The following PATJ variants were observed in gnomAD, a reference collection of about 807,000 sequenced individuals.
PATJ encodes inaD-like protein.
In PATJ, 190 loss-of-function variants were observed where a neutral mutation model predicts 224.9. The ratio of observed to expected loss-of-function variants is 0.84; its 90% confidence interval spans 0.75 to 0.95. The LOEUF is 0.95. Among genes scored for constraint, PATJ ranks in the 40% least tolerant of loss-of-function variants. The pLI, the probability that PATJ is intolerant of heterozygous loss-of-function variation, is 0.00. For missense variants in PATJ, 2,121 were observed against 2,270.3 expected, an observed-to-expected ratio of 0.93 and a Z score of 1.34; for synonymous variants, 769 against 820.3, an observed-to-expected ratio of 0.94 and a Z score of 1.07.
intron 27 of PATJ, among the ~76,000 whole-genome samples, chr1:61,936,112 C>A (rs185526684): frequency 6.6e-6 from 1 of 152,060 alleles, no homozygotes. Flanking sequence ...GTTCAACTGT[C>A]ACCACTATTA....
At chr1:61,901,908 G>A (rs980935149) in intron 24 of PATJ, among the ~76,000 whole-genome samples, 2 of 152,090 alleles carry the variant, frequency 1.3e-5, no homozygotes, top group African/African-American at 4.8e-5. Context: ...CACCGGATAC[G>A]CTCTGTGGGC....
rs1377888575 is a variant in PATJ, at chr1:61,908,452, C to G, written c.3462C>G (p.Phe1154Leu). Residue 1154 changes from phenylalanine to leucine, a missense_variant, in exon 25 of 44, where the codon TTC becomes TTG. Phe to Leu is a conservative substitution (Grantham distance 22, BLOSUM62 0). Transcript: ENST00000642238. ...AIKNAGNPVV[F>L]IVQSLSSTPR... ...AGAATGCAGGAAACCCTGTGGTGTT[C>G]ATTGTTCAGAGTTTGTCATCCACTC... 6.2e-7 allele frequency: 1 copy of G among 1,613,632 alleles called. No individual in the cohort carries two copies. Among genetic ancestry groups the G allele is most frequent in the Admixed American group, 1.7e-5 (1 of 59,986 alleles).
At chr1:61,968,318 C>T (rs2149452290) in intron 27 of PATJ, among the ~76,000 whole-genome samples, 1 of 152,276 alleles carries the variant, frequency 6.6e-6, no homozygotes, top group Middle Eastern at 3.4e-3. Context: ...CCTTCACTCT[C>T]AGTTGTTTCG....
intron 42 of PATJ, 41 bp downstream of exon 42, chr1:62,148,431 C>A: frequency 7.0e-7 from 1 of 1,432,586 alleles, no homozygotes; most frequent in Non-Finnish European, 9.9e-7. Context: ...TGCATGTGGG[C>A]AAAGCTCGGA....
At position 62,114,157 on chromosome 1, in the gene PATJ, C is replaced by T; in HGVS notation, c.4566C>T (p.His1522=). ...TGGTGGTGTATAGAGATGAGGCACA[C>T]TACCGGGATGAGGAGAACTTGGAGA... ...VRLVVYRDEA[H]YRDEENLEIF... is the part of the protein sequence containing the mutation. Residue 1522 remains histidine (H), a synonymous_variant, in exon 35 of 44, where the codon CAC becomes CAT. Coordinates refer to ENST00000642238, the MANE Select transcript of PATJ (RefSeq NM_001350145.3). 6.2e-7 allele frequency: 1 copy of T among 1,614,100 alleles called. No homozygotes were observed. The highest frequency in any genetic ancestry group is 8.5e-7 in the Non-Finnish European group (1 of 1,179,998).
chr1:62,067,107 A>G (rs1656590323), intron 31 of PATJ, among the ~76,000 whole-genome samples: 1 of 148,598 alleles, frequency 6.7e-6, no homozygotes, highest in Non-Finnish European at 1.5e-5. Flanking sequence ...GGCCCCTCTC[A>G]TAATTCCTAT....
intron 38 of PATJ, among the ~76,000 whole-genome samples, chr1:62,121,784 A>ATAAG (rs1553273043): frequency 1.5e-4 from 22 of 150,208 alleles, no homozygotes; most frequent in Middle Eastern, 3.4e-3. Flanking sequence ...CAGAAAAAAA[A>ATAAG]AAAGAAATTC....
At chr1:61,760,614 T>C (rs1353067547) in intron 1 of PATJ, among the ~76,000 whole-genome samples, 1 of 139,548 alleles carries the variant, frequency 7.2e-6, no homozygotes, top group Non-Finnish European at 1.6e-5. Context: ...TTTCTTTTTC[T>C]TTTTCTTTTT....
intron 27 of PATJ, among the ~76,000 whole-genome samples, chr1:61,979,392 G>A (rs544079705): frequency 6.6e-6 from 1 of 151,924 alleles, no homozygotes; most frequent in Non-Finnish European, 1.5e-5. Context: ...CGGTGGTTCA[G>A]GCCTGTAATC....
At chr1:61,932,484 C>A (rs747238980) in intron 27 of PATJ, among the ~76,000 whole-genome samples, 1 of 152,190 alleles carries the variant, frequency 6.6e-6, no homozygotes, top group African/African-American at 2.4e-5. Context: ...AAGGCTGTCA[C>A]TGACCTTCAA....
At chr1:62,153,198 A>G (rs1248655324) in intron 42 of PATJ, among the ~76,000 whole-genome samples, 160 bp from the exon 43 acceptor site, 1 of 152,228 alleles carries the variant, frequency 6.6e-6, no homozygotes, top group East Asian at 1.9e-4. Context: ...GAGAAGTTAG[A>G]AAATAACTTT....
intron 20 of PATJ, among the ~76,000 whole-genome samples, chr1:61,866,818 C>A (rs1665496141): frequency 6.6e-6 from 1 of 152,096 alleles, no homozygotes; most frequent in Non-Finnish European, 1.5e-5. Context: ...AATGGCTACT[C>A]CATAGATAGA....
chr1:61,805,904 C>T (rs1653446332), intron 13 of PATJ, among the ~76,000 whole-genome samples: 1 of 152,214 alleles, frequency 6.6e-6, no homozygotes, highest in Non-Finnish European at 1.5e-5. Context: ...TTATTGTACA[C>T]TGAAAGGACT....
chr1:61,816,289 A>G (rs1656092382), intron 14 of PATJ: 1 of 152,186 alleles, frequency 6.6e-6, no homozygotes, highest in African/African-American at 2.4e-5. Flanking sequence ...TTCTAATAGT[A>G]ACCTTATTGG....
At chr1:61,863,227 G>A (rs983010219) in intron 19 of PATJ, among the ~76,000 whole-genome samples, 9 of 151,536 alleles carry the variant, frequency 5.9e-5, no homozygotes, top group African/African-American at 2.2e-4. Flanking sequence ...GTAGAGACGG[G>A]GGCTCACTAT....
At chr1:61,762,237 G>T (rs879489861) in intron 1 of PATJ, among the ~76,000 whole-genome samples, 1 of 152,116 alleles carries the variant, frequency 6.6e-6, no homozygotes, top group Non-Finnish European at 1.5e-5. Flanking sequence ...GATTAGTTTT[G>T]TCAGTACTTG....
intron 4 of PATJ, among the ~76,000 whole-genome samples, chr1:61,767,813 A>T (rs1646371405): frequency 6.6e-6 from 1 of 151,150 alleles, no homozygotes. Context: ...AGTAGCTGGG[A>T]CTACAGGCGT....
Position 62,106,156 on chromosome 1 carries a change from GTGTATATA to G in PATJ, c.4378-2279_4378-2272del, listed in dbSNP as rs1399607665. On this transcript the variant is annotated intron_variant, in intron 33 of 43. Coordinates refer to ENST00000642238, the MANE Select transcript of PATJ (RefSeq NM_001350145.3). The stretch of plus-strand genomic sequence containing the variant: ...TATACATGTGTATATGTGTGTGTGT[GTGTATATA>G]TATATATATATATATATATATATGG... Among the ~76,000 whole-genome samples the G allele has an allele frequency of 3.5e-4, 19 of 54,870 alleles. 2 individuals are homozygous for G. The highest frequency in any genetic ancestry group is 9.2e-4 in the African/African-American group (15 of 16,342). The allele number at this position is 54,870 out of a possible 152,430, so 36.0% of individuals were successfully genotyped here.
chr1:61,954,337 T>C (rs2149396526), intron 27 of PATJ, among the ~76,000 whole-genome samples: 1 of 152,338 alleles, frequency 6.6e-6, no homozygotes, highest in South Asian at 2.1e-4. Context: ...TATGTAGAAT[T>C]ATAAATAAAG....
Sources: allele counts gnomAD v4.1 joint callset (sites outside exome capture counted in the v4.1 genomes callset), GRCh38; gene constraint gnomAD v4.1.1; transcripts MANE v1.5; gene names NCBI Gene and HGNC (gene_info 2026-07-23, HGNC 2026-07-21).